The following RBFOX1 variants were observed in gnomAD, a reference collection of about 807,000 sequenced individuals.
RBFOX1 encodes RNA binding protein fox-1 homolog 1.
RBFOX1 carries 8 observed loss-of-function variants against 57.7 expected under a neutral mutation model. The observed-to-expected ratio is 0.14, with a 90% CI of 0.08 to 0.25. The LOEUF is 0.25. Ranked by LOEUF, RBFOX1 falls within the 10% of genes least tolerant of loss-of-function variation. The pLI is 1.00. For missense variants in RBFOX1, 611 were observed against 548.5 expected, an observed-to-expected ratio of 1.11 and a Z score of -1.14; for synonymous variants, 326 against 222.4, an observed-to-expected ratio of 1.47 and a Z score of -4.15.
chr16:5,591,905 G>A (rs903770118), intron 2 of RBFOX1, among the ~76,000 whole-genome samples: 4 of 152,170 alleles, frequency 2.6e-5, no homozygotes, highest in Non-Finnish European at 5.9e-5. Context: ...TCCCTAGTCC[G>A]AATATTATCA....
intron 1 of RBFOX1, among the ~76,000 whole-genome samples, chr16:6,142,293 C>G (rs935934406): frequency 2.2e-5 from 3 of 138,808 alleles, no homozygotes; most frequent in Non-Finnish European, 4.6e-5. Flanking sequence ...GTGATCTTGG[C>G]TCACTGCAAG....
At chr16:5,348,152 A>G (rs1313213573) in intron 1 of RBFOX1, among the ~76,000 whole-genome samples, 2 of 146,322 alleles carry the variant, frequency 1.4e-5, no homozygotes, top group Admixed American at 6.9e-5. Context: ...CCATGTATCC[A>G]TCCACCCATC....
chr16:6,400,446 G>A (rs558804429), intron 2 of RBFOX1, among the ~76,000 whole-genome samples: 23 of 152,288 alleles, frequency 1.5e-4, no homozygotes, highest in Middle Eastern at 3.4e-3. Context: ...AAAAAACAGA[G>A]TGAATGTATA....
rs76253080 is a variant in RBFOX1, at chr16:7,140,159, T to A, written c.27+88061T>A. On this transcript the variant is annotated intron_variant, in intron 4 of 15. Transcript: ENST00000550418. The stretch of plus-strand genomic sequence containing the variant: ...TTCTCTTATTCTCTCCTTCTCTCCC[T>A]CTCTCTCTCTCTCTCTCTCTCTCTC... Among the ~76,000 whole-genome samples the A allele has an allele frequency of 9.8e-3, 839 of 85,908 alleles. 26 individuals carry two copies. Among genetic ancestry groups the A allele is most frequent in the East Asian group, 0.089 (216 of 2,432 alleles). 56.4% of individuals were successfully genotyped at this position (85,908 alleles called of 152,430 possible). A position where few individuals can be genotyped will look rare whatever the true frequency, so the allele number is the denominator to read the frequency against.
intron 1 of RBFOX1, among the ~76,000 whole-genome samples, chr16:5,271,840 T>C (rs1414775270): frequency 6.6e-6 from 1 of 152,188 alleles, no homozygotes; most frequent in African/African-American, 2.4e-5. Context: ...GTAAGTAAAA[T>C]CATGCAGTAT....
intron 3 of RBFOX1, among the ~76,000 whole-genome samples, chr16:6,901,810 A>G (rs1036068674): frequency 6.6e-6 from 1 of 152,164 alleles, no homozygotes. Flanking sequence ...ATAATACTTC[A>G]CTGTTATATT....
chr16:6,822,743 G>T (rs757214240), intron 3 of RBFOX1, among the ~76,000 whole-genome samples: 2 of 152,248 alleles, frequency 1.3e-5, no homozygotes, highest in African/African-American at 2.4e-5. Flanking sequence ...GAAGGGAGAG[G>T]GGTGGAAAAG....
At chr16:7,091,405 G>A (rs2060831827) in intron 4 of RBFOX1, among the ~76,000 whole-genome samples, 1 of 150,838 alleles carries the variant, frequency 6.6e-6, no homozygotes, top group South Asian at 2.1e-4. Flanking sequence ...AAACATACCT[G>A]GGTTTAAAAT....
chr16:6,966,789 A>ATCTGTCTGTCTG (rs796374772), intron 3 of RBFOX1, among the ~76,000 whole-genome samples: 5 of 127,930 alleles, frequency 3.9e-5, no homozygotes, highest in African/African-American at 1.7e-4. Flanking sequence ...CTATCTATCT[A>ATCTGTCTGTCTG]TCTGTCTGTC....
At chr16:5,476,751 C>G (rs1363813337) in intron 2 of RBFOX1, among the ~76,000 whole-genome samples, 7 of 152,224 alleles carry the variant, frequency 4.6e-5, no homozygotes, top group African/African-American at 1.4e-4. Flanking sequence ...TTGGGTGCCT[C>G]TGGGTTTGTG....
At position 6,986,381 on chromosome 16, in the gene RBFOX1, T is replaced by C. The variant is rs376563637; in HGVS notation, c.-15-65676T>C. On this transcript the variant is annotated intron_variant, in intron 3 of 15. Coordinates refer to ENST00000550418, the MANE Select transcript of RBFOX1 (RefSeq NM_018723.4). ...GTCTGGCTAATTTTCCTGTTTCTAG[T>C]AGAGACGGGGTTTCACCATGTTGGC... Among the ~76,000 whole-genome samples, 102 of 152,106 alleles carry C rather than the reference T, an allele frequency of 6.7e-4. 5 individuals carry two copies. The South Asian group carries it at 0.021, about 31-fold the overall frequency.
At position 6,410,082 on chromosome 16, in the gene RBFOX1, A is replaced by C. The variant is rs1213329431; in HGVS notation, c.-64+93025A>C. ...AATGCCTCTGTTAAAGAACCATCTC[A>C]CATTCCTGGAGTTTGTTTTGGGATC... On this transcript the variant is annotated intron_variant, in intron 2 of 15. Transcript: ENST00000550418. Among the ~76,000 whole-genome samples the C allele has an allele frequency of 2.6e-5, 4 of 151,930 alleles. No homozygotes were observed. The East Asian group carries it at 7.8e-4, about 30-fold the overall frequency.
chr16:5,488,506 A>G (rs2042717014), intron 2 of RBFOX1, among the ~76,000 whole-genome samples: 1 of 146,762 alleles, frequency 6.8e-6, no homozygotes, highest in South Asian at 2.3e-4. Flanking sequence ...GATTATAGTG[A>G]TGATGGTGAT....
At chr16:7,516,598 A>C (rs1387515208) in intron 4 of RBFOX1, among the ~76,000 whole-genome samples, 1 of 152,216 alleles carries the variant, frequency 6.6e-6, no homozygotes, top group Non-Finnish European at 1.5e-5. Context: ...CCATGGCCCC[A>C]GTGCTATGGG....
At chr16:5,572,713 T>A (rs191130614) in intron 2 of RBFOX1, among the ~76,000 whole-genome samples, 152 of 152,120 alleles carry the variant, frequency 1.0e-3, no homozygotes, top group African/African-American at 3.4e-3. Context: ...TTACAAAAGG[T>A]GGTCAAACAA....
At chr16:6,224,198 T>C (rs1382030049) in intron 1 of RBFOX1, among the ~76,000 whole-genome samples, 1 of 146,626 alleles carries the variant, frequency 6.8e-6, no homozygotes, top group Non-Finnish European at 1.5e-5. Context: ...CTTTTTTGGT[T>C]CCATATGAAC....
At chr16:7,491,042 AT>A (rs939491907) in intron 4 of RBFOX1, among the ~76,000 whole-genome samples, 1 of 152,150 alleles carries the variant, frequency 6.6e-6, no homozygotes, top group African/African-American at 2.4e-5. Flanking sequence ...TCAACTCCAG[AT>A]TCTAAAGAGA....
chr16:6,877,342 C>G (rs1245508786), intron 3 of RBFOX1, among the ~76,000 whole-genome samples: 1 of 152,176 alleles, frequency 6.6e-6, no homozygotes. Flanking sequence ...CTTTACTTCC[C>G]TTTAGCAGAA....
intron 13 of RBFOX1, among the ~76,000 whole-genome samples, chr16:7,665,273 C>G (rs570335458): frequency 6.6e-6 from 1 of 152,254 alleles, no homozygotes; most frequent in African/African-American, 2.4e-5. Flanking sequence ...AAGAAATTGT[C>G]TCTCAAGTTC....
Sources: allele counts gnomAD v4.1 joint callset (sites outside exome capture counted in the v4.1 genomes callset), GRCh38; gene constraint gnomAD v4.1.1; transcripts MANE v1.5; gene names NCBI Gene and HGNC (gene_info 2026-07-23, HGNC 2026-07-21).